CHST11: variants seen among roughly 807,000 people sequenced by gnomAD.
CHST11 encodes the protein carbohydrate sulfotransferase 11.
CHST11 carries 9 observed loss-of-function variants against 30.4 expected under a neutral mutation model. The ratio of observed to expected loss-of-function variants is 0.30; its 90% CI spans 0.18 to 0.52. The LOEUF (loss-of-function observed/expected upper bound fraction) is 0.52, where lower values mean the gene tolerates loss of function less well. Ranked by LOEUF, CHST11 falls within the 20% of genes least tolerant of loss-of-function variation. The probability of loss-of-function intolerance (pLI) is 0.97; values close to 1 mark genes in which losing one functional copy is unlikely to be tolerated. For synonymous variants in CHST11, 152 were observed against 187.8 expected (o/e 0.81, Z 1.56); for missense variants, 348 against 460.6 (o/e 0.76, Z 2.24).
In CHST11 at chr12:104,647,926, T is replaced by C. The variant is rs917635630; in HGVS notation, c.204+45935T>C. On this transcript the variant is annotated intron_variant, in intron 2 of 2. Transcript: ENST00000303694. The stretch of plus-strand genomic sequence containing the variant: ...GCCTTTCCACTAGACTGCTTGAGTG[T>C]CCTTACAACATGGTGGCTGCCTTCC... Among the ~76,000 whole-genome samples the C allele has an allele frequency of 1.4e-4, 22 of 152,338 alleles. 1 individual carries two copies. Among genetic ancestry groups the C allele is most frequent in the Admixed American group, 8.5e-4 (13 of 15,306 alleles).
chr12:104,559,636 T>C (rs1565987009), intron 1 of CHST11, among the ~76,000 whole-genome samples: 1 of 151,998 alleles, frequency 6.6e-6, no homozygotes, highest in East Asian at 1.9e-4. Flanking sequence ...CCAGCTACTC[T>C]GGAGGCTGAA....
intron 2 of CHST11, among the ~76,000 whole-genome samples, chr12:104,668,893 C>T (rs1214765194): frequency 6.6e-6 from 1 of 152,128 alleles, no homozygotes; most frequent in African/African-American, 2.4e-5. Flanking sequence ...ATGAAGGCCT[C>T]CTTGAGAAGC....
rs2040513608 is a variant in CHST11, at chr12:104,760,311, G to T, written c.*2508G>T. ...TCTCCATCTGGTTTATAGCAACAGA[G>T]GTACTTTATTTAATGAAGCAATGGT... On this transcript the variant is annotated 3_prime_UTR_variant, in exon 3 of 3. Transcript: ENST00000303694. The T allele has an allele frequency of 6.6e-6, 1 of 152,002 alleles. No individual in the cohort carries two copies. The highest frequency in any genetic ancestry group is 2.4e-5 in the African/African-American group (1 of 41,382). 9.4% of individuals were successfully genotyped at this position (152,002 alleles called of 1,614,324 possible). A position where few individuals can be genotyped will look rare whatever the true frequency, so the allele number is the denominator to read the frequency against.
chr12:104,676,411 G>A lies in CHST11; in HGVS notation c.204+74420G>A, dbSNP rs1475440755. Among the ~76,000 whole-genome samples the A allele has an allele frequency of 3.3e-5, 5 of 152,028 alleles. No individual in the cohort carries two copies. Among genetic ancestry groups the A allele is most frequent in the Admixed American group, 2.0e-4 (3 of 15,260 alleles). ...CCATTGTCACATCTTTTCTGACTCC[G>A]AGTCACTGCCTCCTTTTCTTTTGAG... On this transcript the variant is annotated intron_variant, in intron 2 of 2. Transcript: ENST00000303694. This position sits in a 1 kb window ranked among gnomAD's most constrained non-coding sequence, Gnocchi z 4.4.
At chr12:104,558,731 G>A (rs1221633365) in intron 1 of CHST11, among the ~76,000 whole-genome samples, 1 of 151,888 alleles carries the variant, frequency 6.6e-6, no homozygotes, top group Non-Finnish European at 1.5e-5. Context: ...TAGAGACAGG[G>A]TTTCAACATG....
At chr12:104,542,546 T>C (rs867591286) in intron 1 of CHST11, among the ~76,000 whole-genome samples, 2 of 152,328 alleles carry the variant, frequency 1.3e-5, no homozygotes, top group Middle Eastern at 3.4e-3. Context: ...TTCATAACAA[T>C]GTAAAAAGCA....
intron 1 of CHST11, chr12:104,588,986 A>G (rs191133904): frequency 1.3e-5 from 2 of 152,342 alleles, no homozygotes; most frequent in Non-Finnish European, 2.9e-5. Flanking sequence ...ATATGTCAGA[A>G]TAACGAAATT....
At chr12:104,685,015 G>A (rs1309455876) in intron 2 of CHST11, among the ~76,000 whole-genome samples, 1 of 152,176 alleles carries the variant, frequency 6.6e-6, no homozygotes, top group Non-Finnish European at 1.5e-5. Context: ...GATCACTTTG[G>A]CATTCCTCCA....
intron 1 of CHST11, among the ~76,000 whole-genome samples, chr12:104,488,642 T>G (rs903895922): frequency 2.2e-5 from 3 of 137,886 alleles, no homozygotes; most frequent in African/African-American, 7.8e-5. Context: ...TGTGTGCGTG[T>G]GTATGTGTGT....
At chr12:104,727,576 A>G (rs762510801) in intron 2 of CHST11, among the ~76,000 whole-genome samples, 4 of 152,234 alleles carry the variant, frequency 2.6e-5, no homozygotes, top group Non-Finnish European at 5.9e-5. Flanking sequence ...TGGACCAACC[A>G]GTCCACCACC....
At chr12:104,580,375 G>C (rs780184815) in intron 1 of CHST11, among the ~76,000 whole-genome samples, 4 of 152,174 alleles carry the variant, frequency 2.6e-5, no homozygotes, top group Non-Finnish European at 4.4e-5. Flanking sequence ...TTTAAGAAAA[G>C]GGTTAATTAG....
intron 2 of CHST11, among the ~76,000 whole-genome samples, chr12:104,747,709 A>G (rs984884048): frequency 1.3e-5 from 2 of 152,122 alleles, no homozygotes; most frequent in African/African-American, 4.8e-5. Flanking sequence ...CCAAGCTAAC[A>G]GTTGTTAAAG....
chr12:104,631,745 C>T (rs1180110764), intron 2 of CHST11, among the ~76,000 whole-genome samples: 1 of 152,310 alleles, frequency 6.6e-6, no homozygotes, highest in East Asian at 1.9e-4. Context: ...TGCAAGGCCC[C>T]TTGTTAAAAA....
rs2039474433 is a variant in CHST11 at position 104,649,835 on chromosome 12, AGC to A, written c.204+47845_204+47846del. ...GGGGAATGCAGCACTCAGCATGGTGAGCTCACATAATAAAGTCACCTTGGAGA... is the reference window on the plus strand; with the variant it reads ...GGGGAATGCAGCACTCAGCATGGTGATCACATAATAAAGTCACCTTGGAGA... On this transcript the variant is annotated intron_variant, in intron 2 of 2. Coordinates refer to ENST00000303694, the MANE Select transcript of CHST11 (RefSeq NM_018413.6). Among the ~76,000 whole-genome samples the A allele has an allele frequency of 2.0e-5, 3 of 152,210 alleles. No individual in the cohort carries two copies. In the South Asian group the frequency reaches 6.2e-4, roughly 31 times the overall value.
chr12:104,740,422 C>G (rs2040337136), intron 2 of CHST11, among the ~76,000 whole-genome samples: 1 of 152,212 alleles, frequency 6.6e-6, no homozygotes, highest in Non-Finnish European at 1.5e-5. Flanking sequence ...CCCTGCACCT[C>G]CAACAAGGGC....
At chr12:104,659,789 GA>G (rs773211462) in intron 2 of CHST11, among the ~76,000 whole-genome samples, 1 of 134,114 alleles carries the variant, frequency 7.5e-6, no homozygotes, top group African/African-American at 2.8e-5. Context: ...AACATAGTGA[GA>G]CCCCCCCCCG....
At chr12:104,584,147 T>C (rs2038777666) in intron 1 of CHST11, among the ~76,000 whole-genome samples, 1 of 152,242 alleles carries the variant, frequency 6.6e-6, no homozygotes, top group Non-Finnish European at 1.5e-5. Context: ...TTAGAGTTGA[T>C]TTGGATCTGG....
chr12:104,542,928 G>A (rs1338830996), intron 1 of CHST11, among the ~76,000 whole-genome samples: 2 of 152,206 alleles, frequency 1.3e-5, no homozygotes, highest in East Asian at 1.9e-4. Context: ...TCCTCATGCC[G>A]AAGGGGTGTT....
intron 2 of CHST11, among the ~76,000 whole-genome samples, chr12:104,723,360 C>T (rs1034619810): frequency 2.0e-5 from 3 of 152,104 alleles, no homozygotes; most frequent in African/African-American, 4.8e-5. Flanking sequence ...GCCTGGCGGG[C>T]GGGGTGGGCG....
Sources: gnomAD v4.1 joint callset for allele counts (sites outside exome capture counted in the v4.1 genomes callset) on GRCh38, gnomAD v4.1.1 for gene constraint, Gnocchi (gnomAD v3.1) non-coding constraint, MANE v1.5 for transcripts, NCBI Gene and HGNC (gene_info 2026-07-23, HGNC 2026-07-21) for gene names.